TMEM71: variants seen among roughly 807,000 people sequenced by gnomAD.
TMEM71 encodes transmembrane protein 71.
In TMEM71, 44 loss-of-function variants were observed where a neutral mutation model predicts 38.0. The observed-to-expected ratio is 1.16, with a 90% confidence interval of 0.91 to 1.49. TMEM71 has a LOEUF of 1.49. Among genes scored for constraint, TMEM71 ranks in the 40% most tolerant of loss-of-function variants. The pLI, the probability that TMEM71 is intolerant of heterozygous loss-of-function variation, is 0.00. For missense variants in TMEM71, 367 were observed against 348.6 expected, an observed-to-expected ratio of 1.05 and a Z score of -0.42; for synonymous variants, 133 against 122.5, an observed-to-expected ratio of 1.09 and a Z score of -0.56.
intron 3 of TMEM71, among the ~76,000 whole-genome samples, 170 bp from the exon 4 acceptor site, chr8:132,752,167 C>A (rs1484315958): frequency 1.3e-5 from 2 of 152,226 alleles, no homozygotes; most frequent in Non-Finnish European, 2.9e-5. Flanking sequence ...CATCTCCTCA[C>A]CTATGACAGC....
rs1829079151 is a variant in TMEM71, at chr8:132,757,298, C to A, written c.41-4G>T. The A allele has an allele frequency of 1.9e-6, 3 of 1,587,152 alleles. No homozygotes were observed. In the African/African-American group the frequency reaches 4.1e-5, roughly 22 times the overall value. On this transcript the variant is annotated splice_polypyrimidine_tract_variant and splice_region_variant and intron_variant, in intron 2 of 9. Transcript: ENST00000677595. ...TCTCTTTCCAACCTGGAAGAACCTG[C>A]ATAAACAAATGAGAGAGAAGTAGAA...
At chr8:132,730,530 G>A (rs1431375215) in intron 5 of TMEM71, among the ~76,000 whole-genome samples, 1 of 152,206 alleles carries the variant, frequency 6.6e-6, no homozygotes, top group Non-Finnish European at 1.5e-5. Context: ...GATGATGGGA[G>A]TAGCCAGGAT....
At chr8:132,722,190 A>C in intron 6 of TMEM71, 75 bp from the exon 7 acceptor site, 5 of 1,202,636 alleles carry the variant, frequency 4.2e-6, no homozygotes, top group Non-Finnish European at 6.1e-6. Flanking sequence ...AAATCATCTC[A>C]AACTTCCCTT....
chr8:132,738,598 T>C (rs937519504), intron 5 of TMEM71, among the ~76,000 whole-genome samples: 3 of 152,164 alleles, frequency 2.0e-5, no homozygotes, highest in Non-Finnish European at 4.4e-5. Flanking sequence ...CTTAAGAGAA[T>C]CAAAAAATAT....
intron 7 of TMEM71, among the ~76,000 whole-genome samples, chr8:132,716,372 T>C (rs1826533611): frequency 6.6e-6 from 1 of 152,226 alleles, no homozygotes; most frequent in Non-Finnish European, 1.5e-5. Context: ...ATCAGAGTCA[T>C]GGCAGTGAAG....
chr8:132,749,785 G>A (rs1054245327), intron 4 of TMEM71, among the ~76,000 whole-genome samples: 5 of 152,100 alleles, frequency 3.3e-5, no homozygotes, highest in African/African-American at 1.2e-4. Flanking sequence ...GGAGTTTGAG[G>A]CGGGCGGATC....
chr8:132,740,174 T>C (rs1341661669), intron 5 of TMEM71, among the ~76,000 whole-genome samples: 1 of 152,030 alleles, frequency 6.6e-6, no homozygotes, highest in East Asian at 1.9e-4. Flanking sequence ...TGACACACCT[T>C]TCAGTCTTTT....
chr8:132,739,592 T>C (rs908703114), intron 5 of TMEM71, among the ~76,000 whole-genome samples: 1 of 152,050 alleles, frequency 6.6e-6, no homozygotes, highest in African/African-American at 2.4e-5. Context: ...ATTACAGGAG[T>C]GAGCCACCGT....
intron 4 of TMEM71, among the ~76,000 whole-genome samples, chr8:132,751,485 A>G (rs1477953602): frequency 2.0e-5 from 3 of 152,148 alleles, no homozygotes; most frequent in African/African-American, 7.2e-5. Context: ...CACCCGTATT[A>G]TTTCATTGCT....
At chr8:132,713,232 A>C (rs1826329545) in intron 9 of TMEM71, among the ~76,000 whole-genome samples, 1 of 131,976 alleles carries the variant, frequency 7.6e-6, no homozygotes, top group Non-Finnish European at 1.5e-5. Flanking sequence ...AATAAAACTT[A>C]GCTGTATGTG....
upstream of TMEM71, among the ~76,000 whole-genome samples, chr8:132,761,655 T>C (rs1829298760): frequency 6.6e-6 from 1 of 152,204 alleles, no homozygotes; most frequent in African/African-American, 2.4e-5. Context: ...TTCATGTCTA[T>C]TCTCCATCCC....
chr8:132,710,726 C>T lies in TMEM71; in HGVS notation c.*241G>A, dbSNP rs879315930. 2.1e-5 allele frequency: 12 copies of T among 566,304 alleles called. No individual in the cohort carries two copies. In the Admixed American group the frequency reaches 4.2e-4, roughly 20 times the overall value. The allele number at this position is 566,304 out of a possible 1,614,324, so 35.1% of individuals were successfully genotyped here. On this transcript the variant is annotated 3_prime_UTR_variant, in exon 10 of 10. Transcript: ENST00000677595. ...TTTCCATCACATTCCCCGTCCTTTT[C>T]CTTTCAACTGCCGGTGTTTGCAAAG...
intron 6 of TMEM71, among the ~76,000 whole-genome samples, chr8:132,725,626 G>A (rs1328912318): frequency 2.0e-5 from 3 of 152,192 alleles, no homozygotes; most frequent in Non-Finnish European, 1.5e-5. Context: ...ATACCTACAT[G>A]TGAAGGGCTT....
downstream of TMEM71, among the ~76,000 whole-genome samples, chr8:132,707,742 A>G (rs1441332272): frequency 6.6e-6 from 1 of 152,216 alleles, no homozygotes; most frequent in African/African-American, 2.4e-5. Flanking sequence ...ATATTCTGGT[A>G]CAGCAACACA....
At chr8:132,723,603 A>G (rs1407557265) in intron 6 of TMEM71, among the ~76,000 whole-genome samples, 4 of 152,142 alleles carry the variant, frequency 2.6e-5, no homozygotes, top group Admixed American at 6.6e-5. Flanking sequence ...CTCTTTTCAC[A>G]TGGAATTAAA....
intron 3 of TMEM71, among the ~76,000 whole-genome samples, chr8:132,753,526 A>G (rs1202650245): frequency 6.6e-6 from 1 of 152,066 alleles, no homozygotes; most frequent in African/African-American, 2.4e-5. Context: ...CATCTGCTGT[A>G]TTTCCGACAA....
intron 4 of TMEM71, among the ~76,000 whole-genome samples, chr8:132,750,536 G>A (rs1828649624): frequency 6.6e-6 from 1 of 152,106 alleles, no homozygotes; most frequent in Non-Finnish European, 1.5e-5. Flanking sequence ...GATTCCAACT[G>A]AAGCCAACCT....
At chr8:132,751,704 A>T in intron 4 of TMEM71, 81 bp downstream of exon 4, 1 of 1,344,258 alleles carries the variant, frequency 7.4e-7, no homozygotes, top group Non-Finnish European at 1.1e-6. Flanking sequence ...TATAAAAGAT[A>T]GTTGAGTGAA....
chr8:132,758,824 G>T lies in TMEM71; in HGVS notation c.40+16C>A. 6.2e-7 allele frequency: 1 copy of T among 1,610,792 alleles called. No homozygotes were observed. Among genetic ancestry groups the T allele is most frequent in the Non-Finnish European group, 8.5e-7 (1 of 1,177,140 alleles). On this transcript the variant is annotated intron_variant, in intron 2 of 9. Coordinates refer to ENST00000677595, the MANE Select transcript of TMEM71 (RefSeq NM_001382403.1). ...GTTCAAAAGATAATTGCGTATCACA[G>T]TTCTTCTACATTTACTTGCTACTGG...
Sources: allele counts gnomAD v4.1 joint callset (sites outside exome capture counted in the v4.1 genomes callset), GRCh38; gene constraint gnomAD v4.1.1; transcripts MANE v1.5; gene names NCBI Gene and HGNC (gene_info 2026-07-23, HGNC 2026-07-21).